The following GRID2 variants were observed in gnomAD, a reference collection of about 807,000 sequenced individuals.
GRID2 encodes glutamate receptor ionotropic, delta-2.
Under a neutral mutation model 114.8 loss-of-function variants are expected in GRID2, and 33 were observed. The ratio of observed to expected loss-of-function variants is 0.29; its 90% CI spans 0.22 to 0.38. The LOEUF (loss-of-function observed/expected upper bound fraction) is 0.38. Among genes scored for constraint, GRID2 ranks in the 10% least tolerant of loss-of-function variants. GRID2 has a pLI of 1.00. For synonymous variants in GRID2, 505 were observed against 449.9 expected (o/e 1.12, Z -1.55); for missense variants, 1,184 against 1,257.7 (o/e 0.94, Z 0.89).
intron 1 of GRID2, among the ~76,000 whole-genome samples, chr4:92,317,662 C>T (rs906062018): frequency 1.3e-5 from 2 of 152,162 alleles, no homozygotes; most frequent in Non-Finnish European, 2.9e-5. Context: ...CCTGACTGCT[C>T]GTATGCACAG....
intron 2 of GRID2, among the ~76,000 whole-genome samples, chr4:93,070,518 T>C (rs1031395524): frequency 7.9e-5 from 12 of 152,088 alleles, no homozygotes; most frequent in African/African-American, 2.9e-4. Flanking sequence ...GATTGATTCA[T>C]GAATGGATAA....
intron 2 of GRID2, among the ~76,000 whole-genome samples, chr4:92,703,822 C>G (rs1456081284): frequency 2.0e-5 from 3 of 151,852 alleles, no homozygotes; most frequent in African/African-American, 7.3e-5. Flanking sequence ...ATAATTTACT[C>G]AAACTGGGCT....
chr4:93,578,192 T>G (rs187071371), intron 13 of GRID2, among the ~76,000 whole-genome samples: 2 of 152,322 alleles, frequency 1.3e-5, no homozygotes, highest in African/African-American at 4.8e-5. Flanking sequence ...AGGAGAAGGC[T>G]TCTCTTGTCT....
At chr4:92,957,225 C>A (rs1444399477) in intron 2 of GRID2, among the ~76,000 whole-genome samples, 1 of 152,042 alleles carries the variant, frequency 6.6e-6, no homozygotes, top group Non-Finnish European at 1.5e-5. Flanking sequence ...ACGTTACCAT[C>A]AAACCCAAGG....
intron 1 of GRID2, among the ~76,000 whole-genome samples, chr4:92,486,566 CA>C (rs1722902092): frequency 6.6e-6 from 1 of 150,728 alleles, no homozygotes; most frequent in Non-Finnish European, 1.5e-5. Context: ...CACACACACA[CA>C]CACACACACA....
intron 2 of GRID2, among the ~76,000 whole-genome samples, chr4:92,719,047 C>G (rs1338748850): frequency 6.6e-6 from 1 of 151,660 alleles, no homozygotes; most frequent in East Asian, 1.9e-4. Context: ...AGTACAGAGG[C>G]ACAATCTCAG....
At chr4:92,487,056 A>T (rs1579450746) in intron 1 of GRID2, among the ~76,000 whole-genome samples, 1 of 151,764 alleles carries the variant, frequency 6.6e-6, no homozygotes, top group Non-Finnish European at 1.5e-5. Flanking sequence ...TGATTTGTAC[A>T]TTCTCTTTTT....
chr4:93,370,382 C>A (rs569990766), intron 8 of GRID2, among the ~76,000 whole-genome samples: 4 of 147,142 alleles, frequency 2.7e-5, no homozygotes, highest in Non-Finnish European at 5.9e-5. Flanking sequence ...CAGACATACA[C>A]ACACACAAAC....
intron 2 of GRID2, among the ~76,000 whole-genome samples, chr4:92,988,383 T>C (rs560951200): frequency 5.9e-4 from 90 of 152,260 alleles, no homozygotes; most frequent in African/African-American, 2.1e-3. Context: ...GTTCACTACA[T>C]AGCAACTGAT....
downstream of GRID2, among the ~76,000 whole-genome samples, chr4:93,810,355 A>T (rs573727345): frequency 6.6e-5 from 10 of 152,196 alleles, no homozygotes; most frequent in African/African-American, 2.4e-4. Flanking sequence ...TCTTTGATAG[A>T]TTATTTTATC....
intron 8 of GRID2, among the ~76,000 whole-genome samples, chr4:93,276,272 C>T (rs1752048816): frequency 6.6e-6 from 1 of 151,930 alleles, no homozygotes; most frequent in African/African-American, 2.4e-5. Flanking sequence ...AATATGAGTT[C>T]TTATTTCTGA....
At chr4:93,121,751 A>G (rs1283817409) in intron 4 of GRID2, among the ~76,000 whole-genome samples, 2 of 152,160 alleles carry the variant, frequency 1.3e-5, no homozygotes, top group South Asian at 2.1e-4. Context: ...CAATTTTACT[A>G]TTTGAAGTAG....
chr4:92,532,285 T>C (rs1295030491), intron 1 of GRID2, among the ~76,000 whole-genome samples: 1 of 152,148 alleles, frequency 6.6e-6, no homozygotes, highest in Non-Finnish European at 1.5e-5. Flanking sequence ...TATACAATTG[T>C]CCAATGATAC....
At chr4:92,448,299 T>C (rs1381453603) in intron 1 of GRID2, among the ~76,000 whole-genome samples, 1 of 152,020 alleles carries the variant, frequency 6.6e-6, no homozygotes, top group Non-Finnish European at 1.5e-5. Flanking sequence ...CTCAGCCTCC[T>C]GAATAGCCGG....
chr4:93,375,922 T>C (rs879699941), intron 8 of GRID2, among the ~76,000 whole-genome samples: 1 of 151,714 alleles, frequency 6.6e-6, no homozygotes, highest in Admixed American at 6.6e-5. Context: ...TGACTGGGAG[T>C]TCAAAAGCAA....
intron 14 of GRID2, among the ~76,000 whole-genome samples, chr4:93,632,636 G>C (rs1051685151): frequency 6.6e-6 from 1 of 152,176 alleles, no homozygotes; most frequent in African/African-American, 2.4e-5. Flanking sequence ...AGTATAGTTT[G>C]AAGTCAGGTA....
At chr4:92,860,409 G>A (rs188551710) in intron 2 of GRID2, among the ~76,000 whole-genome samples, 1 of 152,244 alleles carries the variant, frequency 6.6e-6, no homozygotes, top group African/African-American at 2.4e-5. Context: ...AGCTTGGATT[G>A]TAGTTGTTAG....
chr4:93,321,127 C>A (rs1220967357), intron 8 of GRID2, among the ~76,000 whole-genome samples: 1 of 151,930 alleles, frequency 6.6e-6, no homozygotes, highest in Non-Finnish European at 1.5e-5. Context: ...TTTTCCTCAC[C>A]TGAAGCCATC....
At chr4:93,333,323 C>T (rs1236118457) in intron 8 of GRID2, among the ~76,000 whole-genome samples, 1 of 152,170 alleles carries the variant, frequency 6.6e-6, no homozygotes, top group African/African-American at 2.4e-5. Flanking sequence ...GATGTTGATG[C>T]TGCTGGTCTA....
Sources: allele counts gnomAD v4.1 joint callset (sites outside exome capture counted in the v4.1 genomes callset), GRCh38; gene constraint gnomAD v4.1.1; transcripts MANE v1.5; gene names NCBI Gene and HGNC (gene_info 2026-07-23, HGNC 2026-07-21).